The following VEGFD variants were observed in gnomAD, a reference collection of about 807,000 sequenced individuals.
VEGFD encodes the protein c-fos induced growth factor (vascular endothelial growth factor D).
In VEGFD, 26 loss-of-function variants were observed where a neutral mutation model predicts 28.0. The observed-to-expected ratio is 0.93, with a 90% CI of 0.68 to 1.29. The LOEUF (loss-of-function observed/expected upper bound fraction) is 1.29, where lower values mean the gene tolerates loss of function less well. VEGFD is among the 50% of genes most tolerant of loss of function. The pLI is 0.00. For missense variants in VEGFD, 294 were observed against 273.4 expected (o/e 1.08, Z -0.53); for synonymous variants, 93 against 95.5 (o/e 0.97, Z 0.15).
At chrX:15,379,116 A>G (rs937293789) in intron 1 of VEGFD, among the ~76,000 whole-genome samples, 2 of 111,714 alleles carry the variant, frequency 1.8e-5, no homozygotes, top group African/African-American at 3.3e-5. Flanking sequence ...TCAGTACTGT[A>G]TCCGCTCCCC....
In VEGFD at chrX:15,345,908, CCCT is replaced by C; in HGVS notation, c.*222_*224del. ...ACTAAACAAAAGGATTACATGGGTC[CCCT>C]CCTCTCCATTCCTTGGTGCGCAGAG... On this transcript the variant is annotated 3_prime_UTR_variant, in exon 7 of 7. Coordinates refer to ENST00000297904, the MANE Select transcript of VEGFD (RefSeq NM_004469.5). 1 of 389,292 alleles carries C rather than the reference CCCT, an allele frequency of 2.6e-6. No individual in the cohort carries two copies. Among genetic ancestry groups the C allele is most frequent in the Non-Finnish European group, 4.4e-6 (1 of 227,377 alleles). 32.1% of individuals were successfully genotyped at this position (389,292 alleles called of 1,213,427 possible).
intron 1 of VEGFD, among the ~76,000 whole-genome samples, chrX:15,380,865 G>A (rs1436564705): frequency 8.9e-6 from 1 of 112,608 alleles, no homozygotes; most frequent in African/African-American, 3.2e-5. Context: ...CTAGAGTTGT[G>A]CAGTGCACAT....
rs1470550303 is a variant in VEGFD, at chrX:15,347,173, T to G, written c.929A>C (p.Asp310Ala). 8.3e-7 allele frequency: 1 copy of G among 1,206,686 alleles called. No homozygotes were observed. Among genetic ancestry groups the G allele is most frequent in the East Asian group, 3.0e-5 (1 of 33,623 alleles). Residue 310 changes from aspartate to alanine, a missense_variant, in exon 6 of 7, where the codon GAC becomes GCC. Coordinates refer to ENST00000297904, the MANE Select transcript of VEGFD (RefSeq NM_004469.5). ...AACTCAAGGCATTTACCTGCAGGTGTCTGGGTGAAATAGCTTGTGCTTCTG... is the reference window on the plus strand; with the variant it reads ...AACTCAAGGCATTTACCTGCAGGTGGCTGGGTGAAATAGCTTGTGCTTCTG... ...CCQKHKLFHP[D>A]TCSCEDRCPF...
intron 4 of VEGFD, 116 bp downstream of exon 4, chrX:15,355,034 T>G (rs533940676): frequency 1.6e-6 from 1 of 643,646 alleles, no homozygotes; most frequent in African/African-American, 2.3e-5. Context: ...AGCTAAAATA[T>G]GAATAATTTG....
intron 4 of VEGFD, among the ~76,000 whole-genome samples, chrX:15,354,267 G>A (rs773960468): frequency 2.7e-5 from 3 of 111,048 alleles, no homozygotes; most frequent in Non-Finnish European, 3.8e-5. Flanking sequence ...CACCGTGCCC[G>A]GCCCCTAAGA....
Position 15,346,026 on chromosome X carries a change from T to A in VEGFD, c.*107A>T. ...TTGGTCTGGATTCACTGTGGTGCTG[T>A]GTAAAATGGATTTTTTTTTTAACAC... On this transcript the variant is annotated 3_prime_UTR_variant, in exon 7 of 7. Coordinates refer to ENST00000297904, the MANE Select transcript of VEGFD (RefSeq NM_004469.5). 2.0e-6 allele frequency: 2 copies of A among 984,898 alleles called. No homozygotes were observed. Among genetic ancestry groups the A allele is most frequent in the Non-Finnish European group, 2.8e-6 (2 of 713,820 alleles). The allele number at this position is 984,898 out of a possible 1,213,427, so 81.2% of individuals were successfully genotyped here. A position where few individuals can be genotyped will look rare whatever the true frequency, so the allele number is the denominator to read the frequency against.
chrX:15,367,986 AAAAGAAAGAAAGAAAG>A (rs199761765), intron 1 of VEGFD, among the ~76,000 whole-genome samples: 25 of 66,631 alleles, frequency 3.8e-4, no homozygotes, highest in Non-Finnish European at 5.2e-4. Context: ...AAGAAAAAGA[AAAAGAAAGAAAGAAAG>A]AAAGAAAGAA....
chrX:15,373,738 G>A (rs767360342), intron 1 of VEGFD, among the ~76,000 whole-genome samples: 1 of 111,324 alleles, frequency 9.0e-6, no homozygotes, highest in African/African-American at 3.3e-5. Context: ...AGGTGGATTC[G>A]GTTGCAATAC....
At chrX:15,350,336 A>G (rs1347130324) in intron 5 of VEGFD, among the ~76,000 whole-genome samples, 5 of 111,414 alleles carry the variant, frequency 4.5e-5, no homozygotes, top group Admixed American at 9.5e-5. Context: ...CTTCTTCCCT[A>G]TTCTTCTTAC....
intron 1 of VEGFD, among the ~76,000 whole-genome samples, chrX:15,372,498 G>GTA (rs775907536): frequency 0.01 from 1,128 of 110,804 alleles, 12 homozygotes; most frequent in African/African-American, 0.035. Flanking sequence ...AATCTACCTG[G>GTA]GAATAAGCTT....
At chrX:15,377,847 A>G (rs1401773408) in intron 1 of VEGFD, among the ~76,000 whole-genome samples, 2 of 111,443 alleles carry the variant, frequency 1.8e-5, no homozygotes, top group African/African-American at 3.3e-5. Flanking sequence ...CTTCATCCCC[A>G]TGTGGATTTG....
At chrX:15,355,326 T>G in intron 3 of VEGFD, 28 bp from the exon 4 acceptor site, 1 of 1,114,808 alleles carries the variant, frequency 9.0e-7, no homozygotes, top group Non-Finnish European at 1.2e-6. Flanking sequence ...AACCACAATA[T>G]ATTTTTTTAA....
chrX:15,346,604 C>A (rs114283415), intron 6 of VEGFD, among the ~76,000 whole-genome samples: 1 of 112,289 alleles, frequency 8.9e-6, no homozygotes, highest in Non-Finnish European at 1.9e-5. Flanking sequence ...ATCCTAATAA[C>A]TGCTTAAATT....
At chrX:15,355,879 C>T (rs985602533) in intron 3 of VEGFD, among the ~76,000 whole-genome samples, 3 of 112,093 alleles carry the variant, frequency 2.7e-5, no homozygotes, top group African/African-American at 9.7e-5. Context: ...TGGACTCACA[C>T]TGCAGCTTAG....
At chrX:15,347,912 A>G (rs971250772) in intron 5 of VEGFD, among the ~76,000 whole-genome samples, 5 of 112,386 alleles carry the variant, frequency 4.4e-5, no homozygotes, top group African/African-American at 1.6e-4. Context: ...ACATTCAAGT[A>G]AAGGGGAGGG....
At chrX:15,368,860 T>C (rs1366575468) in intron 1 of VEGFD, among the ~76,000 whole-genome samples, 1 of 112,242 alleles carries the variant, frequency 8.9e-6, no homozygotes, top group Non-Finnish European at 1.9e-5. Flanking sequence ...TTTTTTATGG[T>C]AATTAATTCA....
chrX:15,375,371 T>C (rs1263532472), intron 1 of VEGFD, among the ~76,000 whole-genome samples: 1 of 112,287 alleles, frequency 8.9e-6, no homozygotes, highest in East Asian at 2.8e-4. Context: ...TGACTTTAAC[T>C]AGAACAGATG....
intron 1 of VEGFD, among the ~76,000 whole-genome samples, chrX:15,366,939 G>A (rs1257382908): frequency 8.9e-6 from 1 of 112,273 alleles, no homozygotes; most frequent in Non-Finnish European, 1.9e-5. Context: ...TGTGGACTAA[G>A]AACGATCTGA....
rs1169338889 is a variant in VEGFD at position 15,345,600 on chromosome X, T to C, written c.*533A>G. The C allele has an allele frequency of 8.9e-6, 1 of 112,766 alleles. No individual in the cohort carries two copies. The highest frequency in any genetic ancestry group is 9.4e-5 in the Admixed American group (1 of 10,676). The allele number at this position is 112,766 out of a possible 1,213,427, so 9.3% of individuals were successfully genotyped here. On this transcript the variant is annotated 3_prime_UTR_variant, in exon 7 of 7. Transcript: ENST00000297904. ...ATTAAATAACATAAAATTATATGGC[T>C]TGAATAATGGTGTTTATTTTCTTTA...
Sources: gnomAD v4.1 joint callset for allele counts (sites outside exome capture counted in the v4.1 genomes callset) on GRCh38, gnomAD v4.1.1 for gene constraint, MANE v1.5 for transcripts, NCBI Gene and HGNC (gene_info 2026-07-23, HGNC 2026-07-21) for gene names.